The following ZNF732 variants were observed in gnomAD, a reference collection of about 807,000 sequenced individuals.
ZNF732 encodes zinc finger protein LOC654254.
A neutral mutation model predicts 11.5 loss-of-function variants in ZNF732; 12 were observed. The observed-to-expected ratio is 1.05, with a 90% CI of 0.67 to 1.70. The LOEUF is 1.70. Among genes scored for constraint, ZNF732 ranks in the 40% most tolerant of loss-of-function variants. ZNF732 has a pLI of 0.00. For missense variants in ZNF732, 702 were observed against 676.9 expected, an observed-to-expected ratio of 1.04 and a Z score of -0.41; for synonymous variants, 231 against 236.5, an observed-to-expected ratio of 0.98 and a Z score of 0.21.
At position 271,712 on chromosome 4, in the gene ZNF732, CTCTTA is replaced by C. The variant is rs1560155266; in HGVS notation, c.1140_1144del (p.His380GlnfsTer12). 6.2e-7 allele frequency: 1 copy of C among 1,612,000 alleles called. No individual in the cohort carries two copies. The highest frequency in any genetic ancestry group is 1.7e-5 in the Admixed American group (1 of 59,740). ...GTAGGGTTTCTCTCCAGTATGAATA[CTCTTA>C]TGTTTATTAAGGGTTGCGGATTGTC... On this transcript the variant is annotated frameshift_variant, in exon 4 of 4. Coordinates refer to ENST00000419098, the MANE Select transcript of ZNF732 (RefSeq NM_001137608.3). LOFTEE classifies it low-confidence loss of function (END_TRUNC).
At position 302,776 on chromosome 4, in the gene ZNF732, G is replaced by T. The variant is rs140442244; in HGVS notation, c.3+2532C>A. 2.1e-3 allele frequency among the ~76,000 whole-genome samples: 317 copies of T among 152,364 alleles called. 1 individual carries two copies. The highest frequency in any genetic ancestry group is 7.3e-3 in the African/African-American group (305 of 41,598). ...AATACTTAAATATAAAAGTTTTCGA[G>T]ACAGGAGCAGTGGCTCACGCCTGTA... is the stretch of plus-strand genomic sequence containing the variant. On this transcript the variant is annotated intron_variant, in intron 1 of 3. Coordinates refer to ENST00000419098, the MANE Select transcript of ZNF732 (RefSeq NM_001137608.3).
At chr4:301,720 G>C (rs1378914174) in intron 1 of ZNF732, among the ~76,000 whole-genome samples, 3 of 152,168 alleles carry the variant, frequency 2.0e-5, no homozygotes, top group Admixed American at 6.5e-5. Flanking sequence ...GCCTGTTGTG[G>C]GGTGGGAGGA....
In ZNF732 at chr4:305,324, G is replaced by A; in HGVS notation, c.-14C>T. On this transcript the variant is annotated 5_prime_UTR_variant, in exon 1 of 4. Transcript: ENST00000419098. ...CACACTCACCATTTCCCCACTTCAG[G>A]GGTGTAGCGGAGTCTCAGCTACGAA... is the stretch of plus-strand genomic sequence containing the variant. 1 of 1,607,870 alleles carries A rather than the reference G, an allele frequency of 6.2e-7. No homozygotes were observed. The highest frequency in any genetic ancestry group is 1.3e-5 in the African/African-American group (1 of 75,042).
intron 3 of ZNF732, among the ~76,000 whole-genome samples, chr4:285,924 G>C (rs1390028091): frequency 6.6e-6 from 1 of 152,134 alleles, no homozygotes; most frequent in African/African-American, 2.4e-5. Flanking sequence ...CTATTTTTTG[G>C]TAGAGATGGG....
chr4:281,531 A>C (rs1719621547), intron 3 of ZNF732, among the ~76,000 whole-genome samples: 1 of 152,226 alleles, frequency 6.6e-6, no homozygotes, highest in South Asian at 2.1e-4. Context: ...ATCTTGAAGA[A>C]AGTTCAGTCT....
At position 271,114 on chromosome 4, in the gene ZNF732, A is replaced by C. The variant is rs1233118630; in HGVS notation, c.1743T>G (p.Thr581=). The change falls in exon 4 of 4, where the codon ACT becomes ACG. Residue 581 remains threonine (T), a synonymous_variant. Coordinates refer to ENST00000419098, the MANE Select transcript of ZNF732 (RefSeq NM_001137608.3). The part of the protein sequence containing the change: ...SYLNQHNKIY[T]GEKL ...CTTCATATTTCTAGAGTTTCTCTCC[A>C]GTATAAATTTTATTATGTTGATTAA... is the stretch of plus-strand genomic sequence containing the variant. The C allele has an allele frequency of 3.3e-6, 5 of 1,514,672 alleles. No homozygotes were observed. The highest frequency in any genetic ancestry group is 4.8e-5 in the Admixed American group (2 of 41,868). 93.8% of individuals were successfully genotyped at this position (1,514,672 alleles called of 1,614,324 possible). A position where few individuals can be genotyped will look rare whatever the true frequency, so the allele number is the denominator to read the frequency against.
At chr4:282,201 A>G (rs1163728329) in intron 3 of ZNF732, among the ~76,000 whole-genome samples, 1 of 152,212 alleles carries the variant, frequency 6.6e-6, no homozygotes, top group Admixed American at 6.5e-5. Context: ...TGTTAATGGT[A>G]TATAATATAA....
rs61792093 is a variant in ZNF732 at position 271,761 on chromosome 4, G to A, written c.1096C>T (p.Gln366Ter). Reference protein sequence around the residue: ...HTGEKPYKCEQCGKAFRQSAT... With the variant: ...HTGEKPYKCE ...GATTGTCTAAAGGCTTTGCCACATT[G>A]TTCACATTTGTAGGGCTTCTCTCCA... is the stretch of plus-strand genomic sequence containing the variant. The change falls in exon 4 of 4, where the codon CAA becomes TAA. Residue 366 changes from glutamine to a stop codon, truncating the protein, a stop_gained. Transcript: ENST00000419098. LOFTEE classifies it low-confidence loss of function (END_TRUNC). 128 of 1,598,810 alleles carry A rather than the reference G, an allele frequency of 8.0e-5. No individual in the cohort carries two copies. The highest frequency in any genetic ancestry group is 1.1e-4 in the Non-Finnish European group (125 of 1,173,888).
At chr4:299,344 TATATATACAC>T (rs138408389) in intron 1 of ZNF732, among the ~76,000 whole-genome samples, 1,761 of 130,320 alleles carry the variant, frequency 0.014, 17 homozygotes, top group Middle Eastern at 0.041. Context: ...CAGTTATGAG[TATATATACAC>T]ATATATACAC....
chr4:279,368 C>A (rs11733683), intron 3 of ZNF732, among the ~76,000 whole-genome samples: 16,288 of 151,674 alleles, frequency 0.11, 1,165 homozygotes, highest in Admixed American at 0.23. Context: ...ATGGCGTGAA[C>A]CCGGGAGGCA....
At chr4:279,418 C>T (rs1157865866) in intron 3 of ZNF732, among the ~76,000 whole-genome samples, 1 of 149,194 alleles carries the variant, frequency 6.7e-6, no homozygotes, top group East Asian at 2.0e-4. Context: ...TGCACTCCAG[C>T]GTGGGTGACA....
At chr4:293,680 C>T (rs1023317722) in intron 3 of ZNF732, among the ~76,000 whole-genome samples, 11 of 152,010 alleles carry the variant, frequency 7.2e-5, no homozygotes, top group African/African-American at 2.4e-4. Context: ...TTTGCTACAA[C>T]AGTAGGCCTT....
At chr4:288,566 G>C (rs560607181) in intron 3 of ZNF732, among the ~76,000 whole-genome samples, 5 of 152,226 alleles carry the variant, frequency 3.3e-5, no homozygotes, top group East Asian at 1.9e-4. Context: ...ATGATGGTTA[G>C]TTTTTGAGTT....
chr4:275,783 G>C (rs1186815185), intron 3 of ZNF732, among the ~76,000 whole-genome samples: 1 of 151,636 alleles, frequency 6.6e-6, no homozygotes, highest in Non-Finnish European at 1.5e-5. Context: ...GATAAATCTT[G>C]ATGACATTAT....
intron 3 of ZNF732, among the ~76,000 whole-genome samples, chr4:278,290 A>G (rs936295666): frequency 2.0e-5 from 3 of 152,192 alleles, no homozygotes; most frequent in African/African-American, 7.2e-5. Context: ...TCCAAAATAT[A>G]CCAAAAATAT....
rs999567007 is a variant in ZNF732, at chr4:281,131, G to A, written c.227-8501C>T. Among the ~76,000 whole-genome samples, 4 of 152,218 alleles carry A rather than the reference G, an allele frequency of 2.6e-5. No homozygotes were observed. In the East Asian group the frequency reaches 7.7e-4, roughly 29 times the overall value. On this transcript the variant is annotated intron_variant, in intron 3 of 3. Transcript: ENST00000419098. ...AGCACACCTGTATGTGCCCCTGTAG[G>A]CATGCTGGCTGACTTTATTCCCACT...
At chr4:290,252 G>GGGCCATATGTCTA (rs1719815840) in intron 3 of ZNF732, among the ~76,000 whole-genome samples, 1 of 152,166 alleles carries the variant, frequency 6.6e-6, no homozygotes, top group Admixed American at 6.5e-5. Context: ...CCCTCACCAG[G>GGGCCATATGTCTA]TGGCCAACTC....
At chr4:282,181 T>C (rs924377696) in intron 3 of ZNF732, among the ~76,000 whole-genome samples, 9 of 152,124 alleles carry the variant, frequency 5.9e-5, no homozygotes, top group Admixed American at 5.9e-4. Flanking sequence ...AGCATATAGC[T>C]TCAATAATTT....
rs537785107 is a variant in ZNF732 at position 290,918 on chromosome 4, A to G, written c.226+4520T>C. Among the ~76,000 whole-genome samples the G allele has an allele frequency of 5.0e-4, 76 of 152,320 alleles. No homozygotes were observed. The South Asian group carries it at 0.015, about 29-fold the overall frequency. On this transcript the variant is annotated intron_variant, in intron 3 of 3. Coordinates refer to ENST00000419098, the MANE Select transcript of ZNF732 (RefSeq NM_001137608.3). Reference sequence around the variant, plus strand: ...GAGATGTTTACCTGCCAAAAAATAGATTATACAAACTGTAAATCATTGTTA... The same window carrying G: ...GAGATGTTTACCTGCCAAAAAATAGGTTATACAAACTGTAAATCATTGTTA...
Sources: allele counts gnomAD v4.1 joint callset (sites outside exome capture counted in the v4.1 genomes callset), GRCh38; gene constraint gnomAD v4.1.1; transcripts MANE v1.5; gene names NCBI Gene and HGNC (gene_info 2026-07-23, HGNC 2026-07-21).